Variants in TPTE observed in about 807,000 individuals in gnomAD.
The protein encoded by TPTE is putative tyrosine-protein phosphatase TPTE.
Under a neutral mutation model 84.1 loss-of-function variants are expected in TPTE, and 59 were observed. The ratio of observed to expected loss-of-function variants is 0.70; its 90% confidence interval spans 0.57 to 0.87. The LOEUF is 0.87. Among genes scored for constraint, TPTE ranks in the 40% least tolerant of loss-of-function variants. TPTE has a pLI of 0.00. For synonymous variants in TPTE, 130 were observed against 223.5 expected (o/e 0.58, Z 3.73); for missense variants, 382 against 659.6 (o/e 0.58, Z 4.61).
intron 1 of TPTE, among the ~76,000 whole-genome samples, 169 bp downstream of exon 1, chr21:10,521,863 C>T (rs1235409261): frequency 2.6e-5 from 4 of 152,256 alleles, no homozygotes; most frequent in Admixed American, 6.5e-5. Flanking sequence ...GCGCGGAATC[C>T]GGGAGGTGTC....
chr21:10,532,606 C>G (rs1049443473), intron 3 of TPTE, among the ~76,000 whole-genome samples: 1 of 152,310 alleles, frequency 6.6e-6, no homozygotes, highest in African/African-American at 2.4e-5. Context: ...TTTTAACCAT[C>G]TTGACTTCTT....
chr21:10,553,267 G>C (rs555507870), intron 8 of TPTE, among the ~76,000 whole-genome samples: 422 of 152,202 alleles, frequency 2.8e-3, no homozygotes, highest in Middle Eastern at 0.01. Flanking sequence ...TTCTTAAACT[G>C]GCTTGTGTCT....
chr21:10,590,589 G>A (rs1316831892), intron 18 of TPTE, 66 bp downstream of exon 18: 3 of 1,605,780 alleles, frequency 1.9e-6, no homozygotes, highest in Non-Finnish European at 2.6e-6. Context: ...AAACATCACT[G>A]GCAGGACATT....
At chr21:10,593,494 ATTAC>A (rs2075524333) in intron 19 of TPTE, among the ~76,000 whole-genome samples, 1 of 152,308 alleles carries the variant, frequency 6.6e-6, no homozygotes, top group African/African-American at 2.4e-5. Context: ...ACCATTTTTT[ATTAC>A]TTGTAATTTG....
chr21:10,521,728 TA>T (rs1171203488), intron 1 of TPTE, 34 bp downstream of exon 1: 3 of 115,562 alleles, frequency 2.6e-5, no homozygotes, highest in African/African-American at 1.2e-4. Context: ...CGGGCGGGGG[TA>T]GGGGTGGGGG....
chr21:10,555,007 ATG>A (rs1229878661), intron 8 of TPTE, among the ~76,000 whole-genome samples: 4 of 152,306 alleles, frequency 2.6e-5, no homozygotes, highest in Middle Eastern at 3.2e-3. Flanking sequence ...CAAGAGAAAA[ATG>A]TGTCCAGTGG....
intron 17 of TPTE, among the ~76,000 whole-genome samples, chr21:10,583,442 C>T (rs374801352): frequency 2.0e-5 from 3 of 152,292 alleles, no homozygotes; most frequent in Non-Finnish European, 4.4e-5. Context: ...CTTTTTTTCT[C>T]CCGATTGTAG....
intron 3 of TPTE, among the ~76,000 whole-genome samples, chr21:10,536,328 T>A (rs1234283676): frequency 6.6e-6 from 1 of 152,302 alleles, no homozygotes; most frequent in African/African-American, 2.4e-5. Context: ...AATATTTAAA[T>A]GTCAACCAGA....
chr21:10,597,588 T>C (rs2075612542), intron 20 of TPTE, among the ~76,000 whole-genome samples: 1 of 152,312 alleles, frequency 6.6e-6, no homozygotes. Flanking sequence ...CTAATTTTTG[T>C]ATTTTTAGTA....
chr21:10,599,089 CA>C (rs2075642920), intron 21 of TPTE, among the ~76,000 whole-genome samples: 1 of 152,312 alleles, frequency 6.6e-6, no homozygotes, highest in African/African-American at 2.4e-5. Context: ...CACTCCAACT[CA>C]AATGCATTAG....
chr21:10,569,986 C>A (rs1463262584), intron 13 of TPTE, among the ~76,000 whole-genome samples: 1 of 152,312 alleles, frequency 6.6e-6, no homozygotes, highest in Non-Finnish European at 1.5e-5. Flanking sequence ...CAGCTGACTC[C>A]ATTTGAGTTT....
intron 17 of TPTE, among the ~76,000 whole-genome samples, chr21:10,587,408 C>T (rs1452387115): frequency 6.6e-6 from 1 of 152,306 alleles, no homozygotes; most frequent in Non-Finnish European, 1.5e-5. Context: ...TCCATTATTG[C>T]CACCTTGATG....
Position 10,571,879 on chromosome 21 carries a change from C to T in TPTE, c.795+1330C>T, listed in dbSNP as rs369859190. On this transcript the variant is annotated intron_variant, in intron 14 of 23. Transcript: ENST00000618007. ...AATTAGTTGGGTTTGGTGGTGCATG[C>T]CTGCCATCCAAGCTACTTGGGAGGC... is the stretch of plus-strand genomic sequence containing the variant. Among the ~76,000 whole-genome samples, 32 of 152,332 alleles carry T rather than the reference C, an allele frequency of 2.1e-4. No individual in the cohort carries two copies. The East Asian group carries it at 3.9e-3, about 19-fold the overall frequency.
intron 17 of TPTE, among the ~76,000 whole-genome samples, chr21:10,585,576 C>G (rs1441492825): frequency 2.0e-5 from 3 of 152,286 alleles, no homozygotes; most frequent in African/African-American, 2.4e-5. Flanking sequence ...TATAATTTTC[C>G]TTTCTCATAG....
intron 10 of TPTE, among the ~76,000 whole-genome samples, chr21:10,563,875 T>A (rs769405768): frequency 0.021 from 3,241 of 151,160 alleles, no homozygotes; most frequent in South Asian, 0.035. Flanking sequence ...ACAAGACCCA[T>A]CCAGGTGTGG....
chr21:10,561,518 A>G (rs539240110), intron 10 of TPTE, among the ~76,000 whole-genome samples: 2 of 152,422 alleles, frequency 1.3e-5, no homozygotes, highest in East Asian at 3.9e-4. Context: ...AAGCATTTTA[A>G]AATAATTAAC....
chr21:10,569,831 T>C lies in TPTE; in HGVS notation c.730+85T>C, dbSNP rs879047493. On this transcript the variant is annotated intron_variant, in intron 13 of 23. Coordinates refer to ENST00000618007, the MANE Select transcript of TPTE (RefSeq NM_199261.4). The stretch of plus-strand genomic sequence containing the variant: ...TTTTTTTTGCCTCATCTAAGACACA[T>C]TCATTCAAAATATTCTTTATTCATG... 283 of 1,610,070 alleles carry C rather than the reference T, an allele frequency of 1.8e-4. No homozygotes were observed. The South Asian group carries it at 3.0e-3, about 17-fold the overall frequency.
intron 15 of TPTE, 137 bp from the exon 16 acceptor site, chr21:10,578,200 G>C: frequency 7.5e-7 from 1 of 1,337,550 alleles, no homozygotes; most frequent in Non-Finnish European, 1.0e-6. Context: ...GTTTATTTTA[G>C]AGTGGCAGGA....
intron 7 of TPTE, among the ~76,000 whole-genome samples, chr21:10,543,716 G>A (rs1357772593): frequency 8.0e-5 from 12 of 150,404 alleles, no homozygotes; most frequent in African/African-American, 3.0e-4. Flanking sequence ...GCTTCTTCCT[G>A]TTAGTGTATT....
Sources: allele counts gnomAD v4.1 joint callset (sites outside exome capture counted in the v4.1 genomes callset), GRCh38; gene constraint gnomAD v4.1.1; transcripts MANE v1.5; gene names NCBI Gene and HGNC (gene_info 2026-07-23, HGNC 2026-07-21).